The following NRCAM variants were observed in gnomAD, a reference collection of about 807,000 sequenced individuals.
NRCAM encodes the protein NgCAM-related cell adhesion molecule.
NRCAM carries 83 observed loss-of-function variants against 156.5 expected under a neutral mutation model. The ratio of observed to expected loss-of-function variants is 0.53; its 90% CI spans 0.44 to 0.64. The LOEUF is 0.64. NRCAM is among the 30% of genes least tolerant of loss of function. The pLI, the probability that NRCAM is intolerant of heterozygous loss-of-function variation, is 0.00. For synonymous variants in NRCAM, 538 were observed against 563.9 expected (o/e 0.95, Z 0.65); for missense variants, 1,417 against 1,597.3 (o/e 0.89, Z 1.92).
At chr7:108,400,324 C>G (rs2154394828) in intron 1 of NRCAM, among the ~76,000 whole-genome samples, 1 of 152,290 alleles carries the variant, frequency 6.6e-6, no homozygotes, top group East Asian at 1.9e-4. Flanking sequence ...TAAACCAGAA[C>G]TTAGGGTCAG....
At chr7:108,357,838 C>A (rs931780755) in intron 2 of NRCAM, among the ~76,000 whole-genome samples, 1 of 152,166 alleles carries the variant, frequency 6.6e-6, no homozygotes, top group Non-Finnish European at 1.5e-5. Flanking sequence ...GGGTTTTCCC[C>A]TCCATCTGCT....
At chr7:108,212,425 G>A (rs1323756085) in intron 11 of NRCAM, among the ~76,000 whole-genome samples, 3 of 152,166 alleles carry the variant, frequency 2.0e-5, no homozygotes, top group South Asian at 2.1e-4. Context: ...AAAGAATTCA[G>A]AAGGTTAGTT....
chr7:108,363,386 C>T (rs113558770), intron 2 of NRCAM, among the ~76,000 whole-genome samples: 8 of 152,144 alleles, frequency 5.3e-5, no homozygotes, highest in African/African-American at 1.9e-4. Context: ...CCAGGTTCAA[C>T]GGATCCTCCC....
intron 3 of NRCAM, among the ~76,000 whole-genome samples, chr7:108,295,774 T>A (rs1030420872): frequency 1.3e-5 from 2 of 152,180 alleles, no homozygotes; most frequent in African/African-American, 4.8e-5. Context: ...AAACAGTCCA[T>A]CTTCATGAGT....
At position 108,383,788 on chromosome 7, in the gene NRCAM, G is replaced by T. The variant is rs577812754; in HGVS notation, c.-174+15648C>A. 9.9e-5 allele frequency among the ~76,000 whole-genome samples: 15 copies of T among 152,202 alleles called. No individual in the cohort carries two copies. The South Asian group carries it at 2.9e-3, about 29-fold the overall frequency. On this transcript the variant is annotated intron_variant, in intron 2 of 32. Transcript: ENST00000379028. Reference sequence around the variant, plus strand: ...GGGGAAATATAAGAAATAAAAACTGGAATTTCTTCATGGTTTTATGTTGGG... The same window carrying T: ...GGGGAAATATAAGAAATAAAAACTGTAATTTCTTCATGGTTTTATGTTGGG...
intron 3 of NRCAM, among the ~76,000 whole-genome samples, chr7:108,297,082 A>C (rs925755817): frequency 1.3e-5 from 2 of 152,210 alleles, no homozygotes; most frequent in Admixed American, 6.5e-5. Context: ...CCAAAGGCCC[A>C]ATCAGTCTTT....
chr7:108,398,925 A>C (rs2099784328), intron 2 of NRCAM, among the ~76,000 whole-genome samples: 1 of 152,202 alleles, frequency 6.6e-6, no homozygotes, highest in African/African-American at 2.4e-5. Flanking sequence ...GGAAAAATAT[A>C]TTGGTGGGTA....
chr7:108,164,243 G>A (rs1024002205), intron 30 of NRCAM, among the ~76,000 whole-genome samples: 5 of 151,922 alleles, frequency 3.3e-5, no homozygotes, highest in Non-Finnish European at 7.4e-5. Flanking sequence ...GTGGGGTAAT[G>A]AGAGGTCATA....
chr7:108,383,612 G>C (rs1238428040), intron 2 of NRCAM, among the ~76,000 whole-genome samples: 3 of 152,094 alleles, frequency 2.0e-5, no homozygotes, highest in Admixed American at 6.5e-5. Context: ...TCTAACTCTT[G>C]GCTACTTAGC....
chr7:108,319,496 G>A (rs1323919434), intron 2 of NRCAM, among the ~76,000 whole-genome samples: 1 of 152,146 alleles, frequency 6.6e-6, no homozygotes, highest in Non-Finnish European at 1.5e-5. Context: ...AAATACAATG[G>A]TTATAAAGAA....
chr7:108,338,434 G>A (rs767220449), intron 2 of NRCAM, among the ~76,000 whole-genome samples: 1 of 151,696 alleles, frequency 6.6e-6, no homozygotes, highest in African/African-American at 2.4e-5. Context: ...AGGGAGTCTT[G>A]TCCCTGATGT....
chr7:108,360,940 A>T (rs1483992422), intron 2 of NRCAM, among the ~76,000 whole-genome samples: 2 of 152,208 alleles, frequency 1.3e-5, no homozygotes, highest in African/African-American at 2.4e-5. Flanking sequence ...TGACATCAAA[A>T]GTACAAGTGA....
chr7:108,289,914 T>C (rs2098234225), intron 3 of NRCAM, among the ~76,000 whole-genome samples: 1 of 152,130 alleles, frequency 6.6e-6, no homozygotes, highest in Admixed American at 6.6e-5. Flanking sequence ...TGATGCACAC[T>C]AAGGTTTGAG....
chr7:108,185,238 C>A (rs1011196048), intron 20 of NRCAM, among the ~76,000 whole-genome samples: 1 of 152,078 alleles, frequency 6.6e-6, no homozygotes, highest in Non-Finnish European at 1.5e-5. Flanking sequence ...ATATTTAAGG[C>A]GCATACTAAA....
intron 1 of NRCAM, among the ~76,000 whole-genome samples, chr7:108,413,042 T>A (rs1303709068): frequency 1.3e-5 from 2 of 152,222 alleles, no homozygotes. Context: ...TTTTTGGACA[T>A]ATGCCCAGTT....
intron 2 of NRCAM, among the ~76,000 whole-genome samples, chr7:108,373,242 A>C (rs1381437113): frequency 6.6e-6 from 1 of 152,170 alleles, no homozygotes; most frequent in Non-Finnish European, 1.5e-5. Flanking sequence ...AGTTTTAATT[A>C]AGCAAGATGA....
chr7:108,200,664 TAGC>T (rs1390243604), intron 13 of NRCAM, among the ~76,000 whole-genome samples: 2 of 151,660 alleles, frequency 1.3e-5, no homozygotes, highest in African/African-American at 4.8e-5. Context: ...CACATGTTGA[TAGC>T]AGCACAATTC....
At chr7:108,227,860 G>A (rs932793861) in intron 8 of NRCAM, among the ~76,000 whole-genome samples, 1 of 152,172 alleles carries the variant, frequency 6.6e-6, no homozygotes, top group African/African-American at 2.4e-5. Flanking sequence ...ATGGTTAAAA[G>A]TCTGGAGCTC....
chr7:108,196,595 C>T (rs1010260845), intron 14 of NRCAM, among the ~76,000 whole-genome samples: 12 of 152,094 alleles, frequency 7.9e-5, no homozygotes, highest in African/African-American at 2.7e-4. Flanking sequence ...CCAATTATCA[C>T]CAATCGCCAG....
Sources: allele counts gnomAD v4.1 joint callset (sites outside exome capture counted in the v4.1 genomes callset), GRCh38; gene constraint gnomAD v4.1.1; transcripts MANE v1.5; gene names NCBI Gene and HGNC (gene_info 2026-07-23, HGNC 2026-07-21).